The following STIM2 variants were observed in gnomAD, a reference collection of about 807,000 sequenced individuals.
STIM2 encodes stromal interaction molecule 2.
In STIM2, 31 loss-of-function variants were observed where a neutral mutation model predicts 85.8. The ratio of observed to expected loss-of-function variants is 0.36; its 90% CI spans 0.27 to 0.49. The LOEUF is 0.49. STIM2 is among the 20% of genes least tolerant of loss of function. The pLI is 0.98. For missense variants in STIM2, 841 were observed against 927.6 expected (o/e 0.91, Z 1.21); for synonymous variants, 356 against 331.1 (o/e 1.08, Z -0.82).
chr4:26,953,699 A>G (rs1019602591), intron 2 of STIM2, among the ~76,000 whole-genome samples: 11 of 152,048 alleles, frequency 7.2e-5, no homozygotes, highest in East Asian at 1.9e-4. Context: ...TCCTGGTGCT[A>G]TGTCTTTCCC....
intron 2 of STIM2, among the ~76,000 whole-genome samples, chr4:26,920,943 A>G (rs1370607725): frequency 6.6e-6 from 1 of 152,188 alleles, no homozygotes; most frequent in Non-Finnish European, 1.5e-5. Context: ...GGGCCAAGAT[A>G]TGGGTTGAAA....
intron 1 of STIM2, chr4:26,861,629 G>C: frequency 2.8e-6 from 1 of 354,154 alleles, no homozygotes; most frequent in Non-Finnish European, 4.8e-6. Flanking sequence ...CTTCCAAGCT[G>C]AGCAATGCGG....
chr4:26,964,875 A>G (rs1450257159), intron 3 of STIM2, among the ~76,000 whole-genome samples: 1 of 152,166 alleles, frequency 6.6e-6, no homozygotes, highest in Non-Finnish European at 1.5e-5. Flanking sequence ...ATCCACCTAC[A>G]GAAGTTAAGT....
intron 3 of STIM2, among the ~76,000 whole-genome samples, chr4:26,981,713 A>G (rs1203521803): frequency 6.6e-6 from 1 of 152,228 alleles, no homozygotes; most frequent in Non-Finnish European, 1.5e-5. Context: ...TTGGCCAGTA[A>G]TCTTCAAAAA....
chr4:26,971,690 T>A (rs1000854582), intron 3 of STIM2, among the ~76,000 whole-genome samples: 1 of 152,232 alleles, frequency 6.6e-6, no homozygotes, highest in African/African-American at 2.4e-5. Context: ...TGCCTCCAGC[T>A]TTGTTCTTTT....
At chr4:26,922,050 C>A (rs1026411379) in intron 2 of STIM2, among the ~76,000 whole-genome samples, 2 of 152,038 alleles carry the variant, frequency 1.3e-5, no homozygotes, top group Admixed American at 1.3e-4. Flanking sequence ...ACTGTATATT[C>A]TGTTGGTCAT....
chr4:26,987,092 G>A (rs1727609186), intron 3 of STIM2, among the ~76,000 whole-genome samples: 1 of 152,192 alleles, frequency 6.6e-6, no homozygotes. Flanking sequence ...CAGCTGGGAT[G>A]TACCTATGCA....
rs1172261872 is a variant in STIM2, at chr4:26,999,292, C to T, written c.570C>T (p.His190=). Residue 190 remains histidine (H), a synonymous_variant, in exon 5 of 12, where the codon CAC becomes CAT. Transcript: ENST00000467087. The stretch of plus-strand genomic sequence containing the variant: ...AGTTGAAAATCAGTGACCGGAGTCA[C>T]AGACAAAAACTTCAGCTCAAGGCAT... The T allele has an allele frequency of 6.2e-7, 1 of 1,609,850 alleles. No individual in the cohort carries two copies. Among genetic ancestry groups the T allele is most frequent in the South Asian group, 1.1e-5 (1 of 90,620 alleles).
chr4:26,956,121 TC>T (rs1726227139), intron 2 of STIM2, among the ~76,000 whole-genome samples: 1 of 152,142 alleles, frequency 6.6e-6, no homozygotes, highest in Non-Finnish European at 1.5e-5. Flanking sequence ...ATTGTGGACT[TC>T]TGAAATCTTT....
rs1190862846 is a variant in STIM2, at chr4:26,995,473, A to C, written c.492A>C (p.Lys164Asn). 30 of 1,599,150 alleles carry C rather than the reference A, an allele frequency of 1.9e-5. No individual in the cohort carries two copies. Among genetic ancestry groups the C allele is most frequent in the Non-Finnish European group, 2.4e-5 (28 of 1,172,942 alleles). Residue 164 changes from lysine (K) to asparagine (N), a missense_variant, in exon 4 of 12, where the codon AAA (lysine) becomes AAC (asparagine). By Grantham distance (94) the Lys-to-Asn change is moderately conservative (BLOSUM62 0). Around this residue, in one of 3 missense-constraint regions of STIM2, gnomAD observed 408 missense variants for 525.4 expected, o/e 0.78. Coordinates refer to ENST00000467087, the MANE Select transcript of STIM2 (RefSeq NM_020860.4). ...AGAATTTTAGAGACAACAATGTCAAAGGAACGACACTTCCCAGGTGAGTCT... is the reference window on the plus strand; with the variant it reads ...AGAATTTTAGAGACAACAATGTCAACGGAACGACACTTCCCAGGTGAGTCT...
At chr4:26,889,414 A>G (rs549393261) in intron 1 of STIM2, among the ~76,000 whole-genome samples, 4 of 152,358 alleles carry the variant, frequency 2.6e-5, no homozygotes, top group Admixed American at 2.6e-4. Context: ...TTCCTTGATC[A>G]GAAGCAATGC....
chr4:27,021,094 T>G, intron 11 of STIM2: 1 of 1,522,156 alleles, frequency 6.6e-7, no homozygotes, highest in Non-Finnish European at 8.8e-7. Flanking sequence ...TCCCTGTTCT[T>G]TAATATCTCA....
intron 11 of STIM2, among the ~76,000 whole-genome samples, chr4:27,018,997 T>C (rs978241773): frequency 6.6e-6 from 1 of 152,196 alleles, no homozygotes; most frequent in African/African-American, 2.4e-5. Flanking sequence ...GCAGCGTATT[T>C]CAGTCCAACT....
intron 1 of STIM2, 46 bp from the exon 2 acceptor site, chr4:26,919,458 T>C (rs1724717029): frequency 6.2e-7 from 1 of 1,609,372 alleles, no homozygotes; most frequent in Admixed American, 1.7e-5. Context: ...ACTATAGCCT[T>C]TGTTTTGGTA....
chr4:26,861,263 C>T lies in STIM2; in HGVS notation c.45C>T (p.Cys15=). 1.4e-6 allele frequency: 2 copies of T among 1,476,090 alleles called. No individual in the cohort carries two copies. Among genetic ancestry groups the T allele is most frequent in the Non-Finnish European group, 1.8e-6 (2 of 1,119,404 alleles). The allele number at this position is 1,476,090 out of a possible 1,614,324, so 91.4% of individuals were successfully genotyped here. A position where few individuals can be genotyped will look rare whatever the true frequency, so the allele number is the denominator to read the frequency against. Residue 15 remains cysteine, a synonymous_variant, in exon 1 of 12, where the codon TGC becomes TGT. Coordinates refer to ENST00000467087, the MANE Select transcript of STIM2 (RefSeq NM_020860.4). ...TGGTAGCCGGAGCGGCGGACGGATG[C>T]GAGCTTGTGCCCCGGCACCTCCGCG... is the stretch of plus-strand genomic sequence containing the variant.
chr4:27,019,469 A>G (rs1311633120), intron 11 of STIM2: 1 of 1,289,700 alleles, frequency 7.8e-7, no homozygotes, highest in South Asian at 1.2e-5. Context: ...GGAAATCAGA[A>G]GGAAAACTCG....
chr4:26,861,176 C>T lies in STIM2; in HGVS notation c.-43C>T. On this transcript the variant is annotated 5_prime_UTR_variant, in exon 1 of 12. Transcript: ENST00000467087. ...GCCTTCATCCCGCCTCGACTCCTGG[C>T]CCAGCGTGGGGCTGGCTGCTGCGGC... 3.5e-6 allele frequency: 5 copies of T among 1,409,824 alleles called. No individual in the cohort carries two copies. Among genetic ancestry groups the T allele is most frequent in the South Asian group, 3.0e-5 (2 of 67,162 alleles). The allele number at this position is 1,409,824 out of a possible 1,614,324, so 87.3% of individuals were successfully genotyped here.
chr4:27,020,874 C>T, intron 11 of STIM2: 1 of 781,230 alleles, frequency 1.3e-6, no homozygotes, highest in Non-Finnish European at 2.1e-6. Context: ...GGGTTATAAT[C>T]ATATGTGCTC....
intron 2 of STIM2, among the ~76,000 whole-genome samples, 175 bp from the exon 3 acceptor site, chr4:26,957,437 C>G (rs1322004230): frequency 1.3e-5 from 2 of 152,106 alleles, no homozygotes; most frequent in East Asian, 3.9e-4. Context: ...TAGCAGAAGA[C>G]ATTTCATTAA....
Sources: gnomAD v4.1 joint callset for allele counts (sites outside exome capture counted in the v4.1 genomes callset) on GRCh38, gnomAD v4.1.1 for gene constraint, gnomAD v4.1.1 regional missense constraint, MANE v1.5 for transcripts, NCBI Gene and HGNC (gene_info 2026-07-23, HGNC 2026-07-21) for gene names.